Variants in NKAIN2 observed in about 807,000 individuals in gnomAD.
The protein encoded by NKAIN2 is sodium/potassium transporting ATPase interacting 2, also known as sodium/potassium-transporting ATPase subunit beta-1-interacting protein 2.
In NKAIN2, 14 loss-of-function variants were observed where a neutral mutation model predicts 32.6. That is an observed-to-expected ratio of 0.43 (90% CI 0.28 to 0.67). The LOEUF is 0.67. Among genes scored for constraint, NKAIN2 ranks in the 30% least tolerant of loss-of-function variants. NKAIN2 has a pLI of 0.17. For synonymous variants in NKAIN2, 80 were observed against 87.2 expected (o/e 0.92, Z 0.46); for missense variants, 198 against 258.3 (o/e 0.77, Z 1.60).
chr6:124,206,342 A>G (rs775177624), intron 1 of NKAIN2, among the ~76,000 whole-genome samples: 2 of 151,952 alleles, frequency 1.3e-5, no homozygotes, highest in Non-Finnish European at 2.9e-5. Context: ...GATTAAGCGC[A>G]TAAAACAAGC....
chr6:124,089,207 C>A (rs961407772), intron 1 of NKAIN2, among the ~76,000 whole-genome samples: 1 of 151,850 alleles, frequency 6.6e-6, no homozygotes, highest in Non-Finnish European at 1.5e-5. Context: ...TCTTGTTTTG[C>A]TGGATAGTTC....
At chr6:124,454,326 T>G (rs1776239753) in intron 3 of NKAIN2, among the ~76,000 whole-genome samples, 2 of 152,056 alleles carry the variant, frequency 1.3e-5, no homozygotes, top group African/African-American at 4.8e-5. Flanking sequence ...TGAGTATAAA[T>G]ATGACAGTAA....
intron 1 of NKAIN2, among the ~76,000 whole-genome samples, chr6:123,905,936 A>G (rs1268025970): frequency 3.3e-5 from 5 of 152,172 alleles, no homozygotes; most frequent in Non-Finnish European, 7.3e-5. Flanking sequence ...TATGTCATAT[A>G]TATAGGTACC....
rs966255213 is a variant in NKAIN2 at position 124,096,879 on chromosome 6, T to G, written c.55-186126T>G. Among the ~76,000 whole-genome samples the G allele has an allele frequency of 5.4e-5, 6 of 111,270 alleles. No homozygotes were observed. In the Admixed American group the frequency reaches 5.6e-4, roughly 10 times the overall value. 73.0% of individuals were successfully genotyped at this position (111,270 alleles called of 152,430 possible). Reference sequence around the variant, plus strand: ...TCTCCAAAAAAAAAAAAAAAAAAAATTATCTGTTATGTGTTTTCTTCATTC... The same window carrying G: ...TCTCCAAAAAAAAAAAAAAAAAAAAGTATCTGTTATGTGTTTTCTTCATTC... On this transcript the variant is annotated intron_variant, in intron 1 of 6. Transcript: ENST00000368417.
In NKAIN2 at chr6:124,649,691, T is replaced by G. The variant is rs1265301404; in HGVS notation, c.274-8495T>G. On this transcript the variant is annotated intron_variant, in intron 3 of 6. Coordinates refer to ENST00000368417, the MANE Select transcript of NKAIN2 (RefSeq NM_001040214.3). ...GAAAACTGTAGTCCAATATCCCTCA[T>G]GAACACAGATGCAAAGACTTTCAAC... 3.9e-5 allele frequency among the ~76,000 whole-genome samples: 6 copies of G among 152,148 alleles called. No individual in the cohort carries two copies. The South Asian group carries it at 6.2e-4, about 16-fold the overall frequency.
chr6:124,793,403 CCAAA>C (rs945296178), intron 5 of NKAIN2, among the ~76,000 whole-genome samples: 20 of 152,030 alleles, frequency 1.3e-4, no homozygotes, highest in Admixed American at 1.1e-3. Flanking sequence ...AATGTGTGGA[CCAAA>C]CAAACTATGT....
chr6:123,923,218 C>A (rs1394577781), intron 1 of NKAIN2, among the ~76,000 whole-genome samples: 1 of 152,076 alleles, frequency 6.6e-6, no homozygotes, highest in East Asian at 1.9e-4. Flanking sequence ...TTTGAGGAAA[C>A]AACTTATTGA....
At chr6:124,090,151 TA>T (rs146851074) in intron 1 of NKAIN2, among the ~76,000 whole-genome samples, 1,676 of 152,140 alleles carry the variant, frequency 0.011, 35 homozygotes, top group African/African-American at 0.037. Context: ...ATGGATAAGT[TA>T]AAAGGATGTC....
intron 3 of NKAIN2, among the ~76,000 whole-genome samples, chr6:124,512,750 G>C (rs183303795): frequency 1.2e-3 from 177 of 152,156 alleles, no homozygotes; most frequent in Non-Finnish European, 2.0e-3. Flanking sequence ...GGGGAATAGA[G>C]GAAATCTTTG....
chr6:124,720,485 CTTAT>C (rs1244867444), intron 4 of NKAIN2, among the ~76,000 whole-genome samples: 1 of 152,110 alleles, frequency 6.6e-6, no homozygotes, highest in Non-Finnish European at 1.5e-5. Context: ...CAGAAATAGG[CTTAT>C]TTGACATGTT....
chr6:124,488,795 G>A lies in NKAIN2; in HGVS notation c.273+133448G>A, dbSNP rs116499750. Among the ~76,000 whole-genome samples, 1,196 of 152,074 alleles carry A rather than the reference G, an allele frequency of 7.9e-3. 15 individuals are homozygous for A. The highest frequency in any genetic ancestry group is 0.027 in the African/African-American group (1,142 of 41,554). On this transcript the variant is annotated intron_variant, in intron 3 of 6. Transcript: ENST00000368417. Reference sequence around the variant, plus strand: ...TCATCTTCTTGTTATTACTGTCATAGCTTCTCTAAAATTTGTGTTGTGCTG... The same window carrying A: ...TCATCTTCTTGTTATTACTGTCATAACTTCTCTAAAATTTGTGTTGTGCTG...
At chr6:124,191,938 C>T (rs1363025219) in intron 1 of NKAIN2, among the ~76,000 whole-genome samples, 1 of 152,058 alleles carries the variant, frequency 6.6e-6, no homozygotes, top group Non-Finnish European at 1.5e-5. Flanking sequence ...CTTTTCATAT[C>T]TGTAAATGGT....
chr6:124,358,016 A>G (rs1272732377), intron 3 of NKAIN2, among the ~76,000 whole-genome samples: 1 of 152,106 alleles, frequency 6.6e-6, no homozygotes, highest in Non-Finnish European at 1.5e-5. Context: ...ATGAGTGAGA[A>G]CATGCGGTGT....
intron 3 of NKAIN2, among the ~76,000 whole-genome samples, chr6:124,360,682 A>G (rs1436339940): frequency 1.3e-5 from 2 of 152,188 alleles, no homozygotes; most frequent in African/African-American, 4.8e-5. Flanking sequence ...AATATAGTAT[A>G]AAATGATACA....
At chr6:123,831,649 G>GTTT (rs200958969) in intron 1 of NKAIN2, among the ~76,000 whole-genome samples, 6 of 140,266 alleles carry the variant, frequency 4.3e-5, no homozygotes, top group Non-Finnish European at 6.2e-5. Flanking sequence ...CTTTGTTACA[G>GTTT]TTTTTTTTTT....
intron 1 of NKAIN2, among the ~76,000 whole-genome samples, chr6:123,946,266 A>G (rs1162453384): frequency 6.6e-6 from 1 of 152,132 alleles, no homozygotes; most frequent in Non-Finnish European, 1.5e-5. Context: ...GGTGGCACAC[A>G]TCATTAATTT....
intron 3 of NKAIN2, among the ~76,000 whole-genome samples, chr6:124,440,957 C>T (rs1775662237): frequency 6.6e-6 from 1 of 152,040 alleles, no homozygotes; most frequent in Non-Finnish European, 1.5e-5. Context: ...TATATTCTAC[C>T]TAGCATGGAC....
chr6:124,607,680 AT>A (rs1782548830), intron 3 of NKAIN2, among the ~76,000 whole-genome samples: 1 of 152,004 alleles, frequency 6.6e-6, no homozygotes, highest in South Asian at 2.1e-4. Context: ...ACATATATAT[AT>A]GTGTGTGTTT....
chr6:124,440,853 A>T (rs966332659), intron 3 of NKAIN2, among the ~76,000 whole-genome samples: 5 of 152,110 alleles, frequency 3.3e-5, no homozygotes, highest in Non-Finnish European at 5.9e-5. Context: ...GCCTAGAATT[A>T]TGGAGACAGG....
Sources: allele counts gnomAD v4.1 joint callset (sites outside exome capture counted in the v4.1 genomes callset), GRCh38; gene constraint gnomAD v4.1.1; transcripts MANE v1.5; gene names NCBI Gene and HGNC (gene_info 2026-07-23, HGNC 2026-07-21).